MUSK: variants seen among roughly 807,000 people sequenced by gnomAD.
MUSK encodes muscle, skeletal receptor tyrosine-protein kinase.
MUSK carries 55 observed loss-of-function variants against 88.7 expected under a neutral mutation model. That is an observed-to-expected ratio of 0.62 (90% CI 0.50 to 0.78). The LOEUF (loss-of-function observed/expected upper bound fraction) is 0.78, where lower values mean the gene tolerates loss of function less well. Among genes scored for constraint, MUSK ranks in the 30% least tolerant of loss-of-function variants. The probability of loss-of-function intolerance (pLI) is 0.00; values close to 1 mark genes in which losing one functional copy is unlikely to be tolerated. For synonymous variants in MUSK, 387 were observed against 391.9 expected (o/e 0.99, Z 0.15); for missense variants, 1,015 against 1,074.3 (o/e 0.94, Z 0.77).
chr9:110,698,604 C>A (rs547731730), intron 5 of MUSK, among the ~76,000 whole-genome samples: 1 of 152,046 alleles, frequency 6.6e-6, no homozygotes, highest in African/African-American at 2.4e-5. Context: ...CTTTAATGAT[C>A]TCGTTTCCCA....
At chr9:110,749,361 G>T (rs531522544) in intron 7 of MUSK, among the ~76,000 whole-genome samples, 1 of 152,246 alleles carries the variant, frequency 6.6e-6, no homozygotes, top group South Asian at 2.1e-4. Flanking sequence ...AGGTATCATT[G>T]GAGCAGAAGA....
Position 110,800,463 on chromosome 9 carries a change from A to C in MUSK, c.2085A>C (p.Pro695=), listed in dbSNP as rs772759899. 1.5e-4 allele frequency: 235 copies of C among 1,613,422 alleles called. 1 individual carries two copies. In the South Asian group the frequency reaches 2.4e-3, roughly 17 times the overall value. Residue 695 remains proline (P), a synonymous_variant, in exon 15 of 15, where the codon CCA becomes CCC. Coordinates refer to ENST00000374448, the MANE Select transcript of MUSK (RefSeq NM_005592.4). ...MRAQVSSPGP[P]PLSCAEQLCI... ...CTCAGGTCTCCAGCCCTGGGCCCCC[A>C]CCCCTCTCCTGTGCTGAGCAGCTTT...
At chr9:110,688,429 C>T (rs150339722) in intron 3 of MUSK, among the ~76,000 whole-genome samples, 460 of 152,094 alleles carry the variant, frequency 3.0e-3, no homozygotes, top group African/African-American at 0.011. Flanking sequence ...GTAAGTCTGC[C>T]ACTGTGAGGA....
At chr9:110,689,270 G>C (rs866927783) in intron 3 of MUSK, among the ~76,000 whole-genome samples, 1 of 108,994 alleles carries the variant, frequency 9.2e-6, no homozygotes, top group African/African-American at 3.9e-5. Flanking sequence ...ATATTGTATA[G>C]TTATATTTAT....
At chr9:110,756,892 CTG>C (rs996725280) in intron 7 of MUSK, among the ~76,000 whole-genome samples, 3 of 151,424 alleles carry the variant, frequency 2.0e-5, no homozygotes. Flanking sequence ...GTGTGTGTGT[CTG>C]TGTGTGTGTG....
chr9:110,784,304 C>G (rs1299409926), intron 11 of MUSK, among the ~76,000 whole-genome samples: 2 of 152,082 alleles, frequency 1.3e-5, no homozygotes, highest in East Asian at 3.8e-4. Flanking sequence ...TTATACATAT[C>G]ACATCGGCCT....
intron 3 of MUSK, among the ~76,000 whole-genome samples, chr9:110,689,717 ATGTTATATATAGTTTATATATAATATTAT>A (rs2076274327): frequency 5.6e-5 from 2 of 35,648 alleles, no homozygotes; most frequent in South Asian, 6.6e-4. Context: ...ATAACTATAT[ATGTTATATATAGTTTATATATAATATTAT>A]ATATTATATA....
intron 5 of MUSK, among the ~76,000 whole-genome samples, chr9:110,715,373 A>T (rs2076731523): frequency 6.7e-6 from 1 of 149,588 alleles, no homozygotes; most frequent in South Asian, 2.1e-4. Flanking sequence ...AGAGAAGTTG[A>T]ACAGCAACTC....
In MUSK at chr9:110,800,700, T is replaced by G. The variant is rs750742896; in HGVS notation, c.2322T>G (p.Ile774Met). The G allele has an allele frequency of 4.3e-6, 7 of 1,613,968 alleles. No homozygotes were observed. The highest frequency in any genetic ancestry group is 5.9e-6 in the Non-Finnish European group (7 of 1,179,890). The stretch of plus-strand genomic sequence containing the variant: ...TCCGTTGGATGCCACCAGAGTCCAT[T>G]TTTTATAACCGCTACACTACAGAGT... Reference protein sequence around the residue: ...IPIRWMPPESIFYNRYTTESD... With the variant: ...IPIRWMPPESMFYNRYTTESD... The change falls in exon 15 of 15, where the codon ATT becomes ATG. Residue 774 changes from isoleucine (I) to methionine (M), a missense_variant. Coordinates refer to ENST00000374448, the MANE Select transcript of MUSK (RefSeq NM_005592.4).
At chr9:110,738,094 T>C (rs942732444) in intron 6 of MUSK, among the ~76,000 whole-genome samples, 2 of 152,162 alleles carry the variant, frequency 1.3e-5, no homozygotes, top group African/African-American at 2.4e-5. Context: ...GTATCCATTC[T>C]CCTCTCAGTA....
rs949536121 is a variant in MUSK, at chr9:110,804,210, A to G, written c.*3222A>G. The stretch of plus-strand genomic sequence containing the variant: ...ATTTAGGTTTTTTCCAATTTTTATC[A>G]TTATAAAAAATGCTGTAATTAACAT... On this transcript the variant is annotated 3_prime_UTR_variant, in exon 15 of 15. Coordinates refer to ENST00000374448, the MANE Select transcript of MUSK (RefSeq NM_005592.4). 6.6e-6 allele frequency among the ~76,000 whole-genome samples: 1 copy of G among 152,114 alleles called. No homozygotes were observed. The highest frequency in any genetic ancestry group is 2.4e-5 in the African/African-American group (1 of 41,430).
intron 7 of MUSK, among the ~76,000 whole-genome samples, chr9:110,748,952 A>G (rs544420549): frequency 6.6e-6 from 1 of 152,198 alleles, no homozygotes; most frequent in Non-Finnish European, 1.5e-5. Context: ...TTATTCTAGC[A>G]TTTCCACAGG....
chr9:110,689,720 T>TATATAAATATA lies in MUSK; in HGVS notation c.358+2452_358+2453insATATAAATATA, dbSNP rs1479572084. On this transcript the variant is annotated intron_variant, in intron 3 of 14. Coordinates refer to ENST00000374448, the MANE Select transcript of MUSK (RefSeq NM_005592.4). ...ATATATAAATATATAACTATATATGTTATATATAGTTTATATATAATATTA... is the reference window on the plus strand; with the variant it reads ...ATATATAAATATATAACTATATATGTATATAAATATATATATATAGTTTATATATAATATTA... Among the ~76,000 whole-genome samples, 50 of 57,032 alleles carry TATATAAATATA rather than the reference T, an allele frequency of 8.8e-4. 1 individual carries two copies. Among genetic ancestry groups the TATATAAATATA allele is most frequent in the African/African-American group, 7.2e-3 (50 of 6,952 alleles). The allele number at this position is 57,032 out of a possible 152,430, so 37.4% of individuals were successfully genotyped here.
chr9:110,729,983 A>G (rs565891431), intron 5 of MUSK, among the ~76,000 whole-genome samples: 4 of 152,226 alleles, frequency 2.6e-5, no homozygotes, highest in South Asian at 2.1e-4. Flanking sequence ...ATGACAATCA[A>G]TAATAAAACT....
At chr9:110,770,514 A>T (rs1238785543) in intron 9 of MUSK, among the ~76,000 whole-genome samples, 2 of 146,994 alleles carry the variant, frequency 1.4e-5, no homozygotes, top group African/African-American at 2.5e-5. Flanking sequence ...ATTATATATT[A>T]TATAGCTCAC....
intron 14 of MUSK, among the ~76,000 whole-genome samples, chr9:110,797,116 C>CAAAAA (rs770080330): frequency 5.1e-5 from 1 of 19,702 alleles, no homozygotes; most frequent in East Asian, 1.6e-3. Context: ...TAGAGTATAA[C>CAAAAA]AAAAAAATAA....
rs1379680670 is a variant in MUSK, at chr9:110,681,064, TATA to T, written c.80-1606_80-1604del. On this transcript the variant is annotated intron_variant, in intron 1 of 14. Coordinates refer to ENST00000374448, the MANE Select transcript of MUSK (RefSeq NM_005592.4). ...TATAATATATATTATATATTATATA[TATA>T]ATATTATATATATTATATAATATAT... Among the ~76,000 whole-genome samples, 15 of 19,206 alleles carry T rather than the reference TATA, an allele frequency of 7.8e-4. 1 individual carries two copies. The highest frequency in any genetic ancestry group is 3.3e-3 in the East Asian group (4 of 1,202). 12.6% of individuals were successfully genotyped at this position (19,206 alleles called of 152,430 possible). A position where few individuals can be genotyped will look rare whatever the true frequency, so the allele number is the denominator to read the frequency against.
At position 110,787,836 on chromosome 9, in the gene MUSK, T is replaced by C. The variant is rs751851038; in HGVS notation, c.1925T>C (p.Leu642Ser). The change falls in exon 14 of 15, where the codon TTA becomes TCA. Residue 642 changes from leucine (L) to serine (S), a missense_variant and splice_region_variant. Coordinates refer to ENST00000374448, the MANE Select transcript of MUSK (RefSeq NM_005592.4). ...GACAACCCTAACATTGTGAAGCTAT[T>C]AGGTATGAAAATACAAGTGAGGATA... Reference protein sequence around the residue: ...EFDNPNIVKLLGVCAVGKPMC... With the variant: ...EFDNPNIVKLSGVCAVGKPMC... 7.5e-6 allele frequency: 12 copies of C among 1,610,020 alleles called. No individual in the cohort carries two copies. The highest frequency in any genetic ancestry group is 1.3e-5 in the African/African-American group (1 of 74,888).
chr9:110,698,167 C>T (rs988120192), intron 5 of MUSK, among the ~76,000 whole-genome samples: 4 of 152,122 alleles, frequency 2.6e-5, no homozygotes, highest in South Asian at 2.1e-4. Flanking sequence ...CTCTATTAGG[C>T]GAATAAACTG....
Sources: gnomAD v4.1 joint callset for allele counts (sites outside exome capture counted in the v4.1 genomes callset) on GRCh38, gnomAD v4.1.1 for gene constraint, MANE v1.5 for transcripts, NCBI Gene and HGNC (gene_info 2026-07-23, HGNC 2026-07-21) for gene names.